Variants in COL5A3 observed in about 807,000 individuals in gnomAD.
COL5A3 encodes the protein collagen type V alpha 3 chain.
A neutral mutation model predicts 250.0 loss-of-function variants in COL5A3; 172 were observed. That is an observed-to-expected ratio of 0.69 (90% CI 0.61 to 0.78). The LOEUF (loss-of-function observed/expected upper bound fraction) is 0.78, where lower values mean the gene tolerates loss of function less well. Ranked by LOEUF, COL5A3 falls within the 30% of genes least tolerant of loss-of-function variation. COL5A3 has a pLI of 0.00. For synonymous variants in COL5A3, 937 were observed against 900.4 expected (o/e 1.04, Z -0.73); for missense variants, 2,340 against 2,334.4 (o/e 1.00, Z -0.05).
rs1196520087 is a variant in COL5A3, at chr19:9,980,840, C to A, written c.2525G>T (p.Gly842Val). 6.2e-7 allele frequency: 1 copy of A among 1,611,702 alleles called. No individual in the cohort carries two copies. Among genetic ancestry groups the A allele is most frequent in the Admixed American group, 1.7e-5 (1 of 59,734 alleles). The change falls in exon 34 of 67, where the codon GGG (glycine) becomes GTG (valine). Residue 842 changes from glycine to valine, a missense_variant. Transcript: ENST00000264828. ...RGPPGSRGER[G>V]QPGATGQPGP... ...TGGTTGCCCTGTGGCACCCGGTTGC[C>A]CCCTCTCTCCACGGGAACCCTGAAC...
chr19:9,971,233 A>G lies in COL5A3; in HGVS notation c.3800T>C (p.Leu1267Pro), dbSNP rs1187177441. Reference sequence around the variant, plus strand: ...AACTCCAGGGTCTCCTGGGGGCCCTAGATCTCCGGGCAGCCCCGTGGGGCC... The same window carrying G: ...AACTCCAGGGTCTCCTGGGGGCCCTGGATCTCCGGGCAGCCCCGTGGGGCC... ...SVGPTGLPGD[L>P]GPPGDPGVSG... Residue 1267 changes from leucine to proline, a missense_variant, in exon 52 of 67, where the codon CTA (leucine) becomes CCA (proline). Leu to Pro is a moderately conservative substitution (Grantham distance 98). Around this residue, in one of 3 missense-constraint regions of COL5A3, gnomAD observed 1,179 missense variants for 1,162.6 expected, o/e 1.01. Coordinates refer to ENST00000264828, the MANE Select transcript of COL5A3 (RefSeq NM_015719.4). The G allele has an allele frequency of 2.6e-6, 4 of 1,565,440 alleles. No homozygotes were observed. Among genetic ancestry groups the G allele is most frequent in the Non-Finnish European group, 3.4e-6 (4 of 1,164,332 alleles).
At chr19:9,972,361 T>G (rs1568409658) in intron 51 of COL5A3, among the ~76,000 whole-genome samples, 1 of 152,098 alleles carries the variant, frequency 6.6e-6, no homozygotes, top group Non-Finnish European at 1.5e-5. Flanking sequence ...ATTCATCCAT[T>G]TATTCATTCA....
chr19:9,988,191 A>C (rs1436307171), intron 27 of COL5A3, among the ~76,000 whole-genome samples: 1 of 152,118 alleles, frequency 6.6e-6, no homozygotes, highest in Non-Finnish European at 1.5e-5. Context: ...CCCAGGTGGC[A>C]TCATTGCACT....
intron 1 of COL5A3, 112 bp downstream of exon 1, chr19:10,010,186 G>T: frequency 1.9e-6 from 1 of 540,484 alleles, no homozygotes; most frequent in Non-Finnish European, 2.5e-6. Flanking sequence ...GGGGCCGCAC[G>T]CGGCGCCCAC....
chr19:9,993,310 CCT>C, intron 19 of COL5A3, 68 bp downstream of exon 19: 4 of 1,544,064 alleles, frequency 2.6e-6, no homozygotes, highest in Non-Finnish European at 3.6e-6. Flanking sequence ...TCCAGATCTT[CCT>C]CTCTGATTCT....
intron 16 of COL5A3, 91 bp from the exon 17 acceptor site, chr19:9,993,897 A>ATT: frequency 5.3e-6 from 6 of 1,142,496 alleles, no homozygotes; most frequent in Non-Finnish European, 6.3e-6. Context: ...CAACATCAAG[A>ATT]TTTTTTTTTT....
At position 9,974,630 on chromosome 19, in the gene COL5A3, T is replaced by C. The variant is rs542950709; in HGVS notation, c.3343-222A>G. On this transcript the variant is annotated intron_variant, in intron 45 of 66. Transcript: ENST00000264828. ...GTTAAACAGTGAGTCGGATTTGCAG[T>C]TGAGGTTCAGTTCTTGGGCAGGGTT... 9.1e-4 allele frequency among the ~76,000 whole-genome samples: 138 copies of C among 152,158 alleles called. 5 individuals are homozygous for C. The South Asian group carries it at 0.028, about 31-fold the overall frequency.
intron 65 of COL5A3, 48 bp downstream of exon 65, chr19:9,962,771 T>G: frequency 8.3e-6 from 12 of 1,438,796 alleles, no homozygotes; most frequent in Non-Finnish European, 1.1e-5. Flanking sequence ...CCCCTGCTGG[T>G]TCCCATCAAT....
In COL5A3 at chr19:9,991,120, T is replaced by C. The variant is rs955396644; in HGVS notation, c.1992+490A>G. Among the ~76,000 whole-genome samples, 4 of 152,094 alleles carry C rather than the reference T, an allele frequency of 2.6e-5. No homozygotes were observed. The East Asian group carries it at 5.8e-4, about 22-fold the overall frequency. On this transcript the variant is annotated intron_variant, in intron 24 of 66. Coordinates refer to ENST00000264828, the MANE Select transcript of COL5A3 (RefSeq NM_015719.4). ...AGCCAGGCACAGTGGCATGCGCTGA[T>C]AGTCCCAGCTACTCGGGTGGATGAG... is the stretch of plus-strand genomic sequence containing the variant.
At chr19:9,999,553 C>A (rs11085525) in intron 8 of COL5A3, among the ~76,000 whole-genome samples, 45,316 of 147,906 alleles carry the variant, frequency 0.31, 7,344 homozygotes, top group African/African-American at 0.41. Context: ...CTGCAAGCTC[C>A]GCCTCCCGGG....
intron 19 of COL5A3, 59 bp downstream of exon 19, chr19:9,993,321 C>T (rs1358966878): frequency 1.3e-6 from 2 of 1,572,854 alleles, no homozygotes; most frequent in Middle Eastern, 1.7e-4. Flanking sequence ...CTCTCTGATT[C>T]TCACTCAGGC....
chr19:9,984,756 C>T (rs2087071004), intron 31 of COL5A3, among the ~76,000 whole-genome samples: 1 of 151,954 alleles, frequency 6.6e-6, no homozygotes, highest in African/African-American at 2.4e-5. Flanking sequence ...GGTAAGAGGG[C>T]ATTTGACCCC....
At chr19:9,992,984 C>G in intron 20 of COL5A3, 39 bp downstream of exon 20, 1 of 1,611,826 alleles carries the variant, frequency 6.2e-7, no homozygotes, top group Non-Finnish European at 8.5e-7. Context: ...ACTCCCTCCC[C>G]TGCACCAAGC....
chr19:9,972,960 T>TG lies in COL5A3; in HGVS notation c.3732dup (p.Lys1245GlnfsTer46). On this transcript the variant is annotated frameshift_variant, in exon 51 of 67. Transcript: ENST00000264828. LOFTEE classifies it high-confidence loss of function. Reference sequence around the variant, plus strand: ...CCATCCTCTCCAGGGGGACCTTTCTTGCCTGGGGGTCCAGCAGCTCCAGAT... The same window carrying TG: ...CCATCCTCTCCAGGGGGACCTTTCTTGGCCTGGGGGTCCAGCAGCTCCAGAT... The TG allele has an allele frequency of 1.2e-6, 2 of 1,611,880 alleles. No individual in the cohort carries two copies. Among genetic ancestry groups the TG allele is most frequent in the Non-Finnish European group, 1.7e-6 (2 of 1,179,146 alleles).
intron 1 of COL5A3, among the ~76,000 whole-genome samples, chr19:10,008,476 C>T (rs1278979650): frequency 1.3e-5 from 2 of 152,160 alleles, no homozygotes; most frequent in African/African-American, 4.8e-5. Context: ...CAGCCTGCCC[C>T]CTGCCACTCT....
rs547946843 is a variant in COL5A3 at position 9,979,115 on chromosome 19, A to G, written c.2874+17T>C. 15 of 1,542,726 alleles carry G rather than the reference A, an allele frequency of 9.7e-6. No homozygotes were observed. The East Asian group carries it at 3.2e-4, about 33-fold the overall frequency. On this transcript the variant is annotated intron_variant, in intron 39 of 66. Coordinates refer to ENST00000264828, the MANE Select transcript of COL5A3 (RefSeq NM_015719.4). ...TCTTGGATGTTCAACCAAGATCTCC[A>G]GTGGACAGTGTCTCACCTTGGCCCC...
At position 9,999,366 on chromosome 19, in the gene COL5A3, A is replaced by ATT. The variant is rs34152960; in HGVS notation, c.1111-1219_1111-1218dup. 7.5e-5 allele frequency among the ~76,000 whole-genome samples: 10 copies of ATT among 133,784 alleles called. No individual in the cohort carries two copies. In the South Asian group the frequency reaches 8.9e-4, roughly 12 times the overall value. 87.8% of individuals were successfully genotyped at this position (133,784 alleles called of 152,430 possible). ...ACAGCACCATGCCCAGCTATTTTTTATTTTATTTTTTTGTAGAGACAGGGT... is the reference window on the plus strand; with the variant it reads ...ACAGCACCATGCCCAGCTATTTTTTATTTTTTATTTTTTTGTAGAGACAGGGT... On this transcript the variant is annotated intron_variant, in intron 8 of 66. Coordinates refer to ENST00000264828, the MANE Select transcript of COL5A3 (RefSeq NM_015719.4).
intron 16 of COL5A3, among the ~76,000 whole-genome samples, chr19:9,994,592 A>G (rs74520399): frequency 0.15 from 19,231 of 127,064 alleles, 2,859 homozygotes; most frequent in African/African-American, 0.3. Flanking sequence ...ATATATATAT[A>G]TATATATATA....
Position 9,974,167 on chromosome 19 carries a change from A to G in COL5A3, c.3504+4T>C, listed in dbSNP as rs1248009069. On this transcript the variant is annotated splice_donor_region_variant and intron_variant, in intron 47 of 66. Coordinates refer to ENST00000264828, the MANE Select transcript of COL5A3 (RefSeq NM_015719.4). ...CCCTCCCACCTTCCTCTGGGAGTGC[A>G]TACCATGGACCCGACGTCTCCGACC... 1 of 1,613,630 alleles carries G rather than the reference A, an allele frequency of 6.2e-7. No individual in the cohort carries two copies. The highest frequency in any genetic ancestry group is 8.5e-7 in the Non-Finnish European group (1 of 1,179,824).
Sources: gnomAD v4.1 joint callset for allele counts (sites outside exome capture counted in the v4.1 genomes callset) on GRCh38, gnomAD v4.1.1 for gene constraint, gnomAD v4.1.1 regional missense constraint, MANE v1.5 for transcripts, NCBI Gene and HGNC (gene_info 2026-07-23, HGNC 2026-07-21) for gene names.